The following ASCC3 variants were observed in gnomAD, a reference collection of about 807,000 sequenced individuals.
The protein encoded by ASCC3 is activating signal cointegrator 1 complex subunit 3, also known as ASC-1 complex subunit P200.
Under a neutral mutation model 256.3 loss-of-function variants are expected in ASCC3, and 158 were observed. The observed-to-expected ratio is 0.62, with a 90% CI of 0.54 to 0.70. The LOEUF (loss-of-function observed/expected upper bound fraction) is 0.70, where lower values mean the gene tolerates loss of function less well. ASCC3 is among the 30% of genes least tolerant of loss of function. The probability of loss-of-function intolerance (pLI) is 0.00; values close to 1 mark genes in which losing one functional copy is unlikely to be tolerated. For missense variants in ASCC3, 2,259 were observed against 2,626.0 expected, an observed-to-expected ratio of 0.86 and a Z score of 3.05; for synonymous variants, 948 against 883.4, an observed-to-expected ratio of 1.07 and a Z score of -1.30.
At position 100,766,716 on chromosome 6, in the gene ASCC3, G is replaced by A. The variant is rs190129437; in HGVS notation, c.1597-11C>T. ...AGCAACATATACAATCTATACCAAA[G>A]GAACACTAGCTTGATTAATGAGCAA... is the stretch of plus-strand genomic sequence containing the variant. On this transcript the variant is annotated splice_polypyrimidine_tract_variant and intron_variant, in intron 9 of 41. Transcript: ENST00000369162. 6.2e-7 allele frequency: 1 copy of A among 1,613,906 alleles called. No individual in the cohort carries two copies. Among genetic ancestry groups the A allele is most frequent in the Admixed American group, 1.7e-5 (1 of 60,012 alleles).
intron 21 of ASCC3, 70 bp downstream of exon 21, chr6:100,647,153 CCTT>C (rs1775420069): frequency 1.5e-6 from 2 of 1,307,716 alleles, no homozygotes; most frequent in Non-Finnish European, 1.1e-6. Flanking sequence ...ATTCACAATA[CCTT>C]CTTTTACACC....
chr6:100,601,892 CA>C lies in ASCC3; in HGVS notation c.5220del (p.Gly1741ValfsTer25). 1 of 1,612,498 alleles carries C rather than the reference CA, an allele frequency of 6.2e-7. No homozygotes were observed. On this transcript the variant is annotated frameshift_variant, in exon 34 of 42. Transcript: ENST00000369162. LOFTEE classifies it high-confidence loss of function. ...TCTTGCTTAGATGTAATTGTACCAC[CA>C]GCAATCTCTGCATTTAAGTGGTCAG... ...VLSDHLNAEI[A>X]GGTITSKQDA... is the part of the protein sequence containing the mutation.
rs940267378 is a variant in ASCC3 at position 100,700,478 on chromosome 6, G to A, written c.2151+14984C>T. Among the ~76,000 whole-genome samples the A allele has an allele frequency of 3.9e-5, 6 of 152,284 alleles. No homozygotes were observed. The South Asian group carries it at 1.0e-3, about 26-fold the overall frequency. On this transcript the variant is annotated intron_variant, in intron 13 of 41. Transcript: ENST00000369162. Reference sequence around the variant, plus strand: ...ACCACCTAGTAGAGCTGTGAGAAGAGGGCCACCATCCTCCAGACCCCAAAA... The same window carrying A: ...ACCACCTAGTAGAGCTGTGAGAAGAAGGCCACCATCCTCCAGACCCCAAAA...
At chr6:100,778,465 G>C (rs1782292879) in intron 8 of ASCC3, among the ~76,000 whole-genome samples, 1 of 152,030 alleles carries the variant, frequency 6.6e-6, no homozygotes, top group African/African-American at 2.4e-5. Flanking sequence ...GAGGAATAAA[G>C]TATATAAGGT....
At chr6:100,747,274 T>C (rs780588325) in intron 10 of ASCC3, among the ~76,000 whole-genome samples, 4 of 152,034 alleles carry the variant, frequency 2.6e-5, no homozygotes, top group Non-Finnish European at 4.4e-5. Context: ...GAAGAAGATA[T>C]GGAGAAACTG....
rs992459670 is a variant in ASCC3, at chr6:100,578,969, C to T, written c.5550+10665G>A. ...GCAGTGTATAAATGATGCCTTTTCT[C>T]TGCATCCTCACCAGCATCTGTTGTT... On this transcript the variant is annotated intron_variant, in intron 36 of 41. Transcript: ENST00000369162. Among the ~76,000 whole-genome samples the T allele has an allele frequency of 5.3e-5, 8 of 152,126 alleles. No individual in the cohort carries two copies. The South Asian group carries it at 1.2e-3, about 24-fold the overall frequency.
At chr6:100,538,629 T>C (rs1290036557) in intron 37 of ASCC3, among the ~76,000 whole-genome samples, 1 of 152,122 alleles carries the variant, frequency 6.6e-6, no homozygotes, top group East Asian at 1.9e-4. Flanking sequence ...ATTCTGGATC[T>C]CCTCTCTGGG....
chr6:100,717,728 T>C (rs2115024755), intron 12 of ASCC3, among the ~76,000 whole-genome samples: 1 of 152,248 alleles, frequency 6.6e-6, no homozygotes, highest in East Asian at 1.9e-4. Flanking sequence ...ATATTACTTG[T>C]TTAATTGGAG....
chr6:100,748,881 G>C (rs1279790656), intron 10 of ASCC3, among the ~76,000 whole-genome samples: 1 of 151,950 alleles, frequency 6.6e-6, no homozygotes, highest in Non-Finnish European at 1.5e-5. Flanking sequence ...GTCTAGAGGA[G>C]TGCATTGTAC....
intron 36 of ASCC3, among the ~76,000 whole-genome samples, chr6:100,544,546 T>C (rs1337533268): frequency 6.6e-6 from 1 of 151,892 alleles, no homozygotes; most frequent in African/African-American, 2.4e-5. Context: ...GCTTTATGCC[T>C]TTACCTGTAA....
chr6:100,694,938 T>C (rs1562231905), intron 13 of ASCC3, among the ~76,000 whole-genome samples: 2 of 152,078 alleles, frequency 1.3e-5, no homozygotes, highest in Non-Finnish European at 2.9e-5. Flanking sequence ...TCCTCCCTTA[T>C]TAGAAACAAA....
At chr6:100,513,914 T>C (rs1432004612) in intron 39 of ASCC3, among the ~76,000 whole-genome samples, 3 of 152,040 alleles carry the variant, frequency 2.0e-5, no homozygotes, top group Admixed American at 1.3e-4. Flanking sequence ...CATTGGCTTT[T>C]TTTTTTTTAA....
At chr6:100,618,166 G>GATA (rs540220178) in intron 30 of ASCC3, among the ~76,000 whole-genome samples, 7 of 152,294 alleles carry the variant, frequency 4.6e-5, no homozygotes, top group Admixed American at 1.3e-4. Flanking sequence ...AAGACTGAGT[G>GATA]CCCGACTATG....
At chr6:100,606,395 A>G (rs1027144245) in intron 32 of ASCC3, among the ~76,000 whole-genome samples, 6 of 152,134 alleles carry the variant, frequency 3.9e-5, no homozygotes, top group Non-Finnish European at 8.8e-5. Context: ...TTTAAAATTA[A>G]GCAAAACAAT....
intron 4 of ASCC3, among the ~76,000 whole-genome samples, chr6:100,830,279 T>A (rs1223897042): frequency 1.3e-5 from 2 of 151,966 alleles, no homozygotes; most frequent in African/African-American, 4.8e-5. Flanking sequence ...ACTGAGTATC[T>A]GAATGACCAG....
intron 13 of ASCC3, among the ~76,000 whole-genome samples, chr6:100,698,603 G>T (rs1029193536): frequency 1.5e-4 from 23 of 152,026 alleles, no homozygotes; most frequent in African/African-American, 5.6e-4. Flanking sequence ...TAAATTAGGA[G>T]AAATTAGATA....
chr6:100,818,503 T>A (rs376282876), intron 4 of ASCC3, among the ~76,000 whole-genome samples: 8 of 140,868 alleles, frequency 5.7e-5, no homozygotes, highest in South Asian at 2.2e-4. Context: ...GGAGGCAAGG[T>A]GGAGGTTGCC....
chr6:100,734,753 G>A (rs1213535475), intron 10 of ASCC3, among the ~76,000 whole-genome samples: 1 of 152,062 alleles, frequency 6.6e-6, no homozygotes, highest in Non-Finnish European at 1.5e-5. Context: ...GCCACATCAG[G>A]GAAAGAATAA....
chr6:100,857,700 C>T (rs1237903687), intron 3 of ASCC3: 4 of 151,914 alleles, frequency 2.6e-5, no homozygotes, highest in East Asian at 1.9e-4. Context: ...CATACTAGTC[C>T]ATTTGCCTAT....
Sources: allele counts gnomAD v4.1 joint callset (sites outside exome capture counted in the v4.1 genomes callset), GRCh38; gene constraint gnomAD v4.1.1; transcripts MANE v1.5; gene names NCBI Gene and HGNC (gene_info 2026-07-23, HGNC 2026-07-21).